The following GPC3 variants were observed in gnomAD, a reference collection of about 807,000 sequenced individuals.
GPC3 encodes the protein glypican-3.
Under a neutral mutation model 34.4 loss-of-function variants are expected in GPC3, and 3 were observed. That is an observed-to-expected ratio of 0.09 (90% CI 0.04 to 0.23). The LOEUF (loss-of-function observed/expected upper bound fraction) is 0.23, where lower values mean the gene tolerates loss of function less well. GPC3 is among the 10% of genes least tolerant of loss of function. GPC3 has a pLI of 1.00. For synonymous variants in GPC3, 177 were observed against 174.0 expected (o/e 1.02, Z -0.13); for missense variants, 351 against 445.6 (o/e 0.79, Z 1.91).
At chrX:133,946,276 T>A (rs1294522234) in intron 2 of GPC3, among the ~76,000 whole-genome samples, 1 of 111,888 alleles carries the variant, frequency 8.9e-6, no homozygotes, top group Non-Finnish European at 1.9e-5. Context: ...GGGCACAGGC[T>A]ATGGAGCTGT....
chrX:133,615,834 A>C (rs1279733639), intron 6 of GPC3, among the ~76,000 whole-genome samples: 1 of 111,358 alleles, frequency 9.0e-6, no homozygotes, highest in Admixed American at 9.6e-5. Context: ...GATGCAGAAA[A>C]AGCATTTGAC....
intron 5 of GPC3, among the ~76,000 whole-genome samples, chrX:133,691,822 G>A (rs937844139): frequency 8.0e-5 from 9 of 112,190 alleles, no homozygotes; most frequent in African/African-American, 2.3e-4. Context: ...TGGAAGAATC[G>A]AAGACAAAAG....
At chrX:133,827,941 TC>T (rs1206091641) in intron 2 of GPC3, among the ~76,000 whole-genome samples, 1 of 33,873 alleles carries the variant, frequency 3.0e-5, no homozygotes, top group Non-Finnish European at 5.0e-5. Flanking sequence ...CAAAACTCCA[TC>T]CCAAAAAAAA....
intron 2 of GPC3, among the ~76,000 whole-genome samples, chrX:133,764,843 C>T (rs2071830714): frequency 9.0e-6 from 1 of 111,600 alleles, no homozygotes; most frequent in Non-Finnish European, 1.9e-5. Context: ...AGTCATGATC[C>T]TTAGCCTTTT....
At chrX:133,810,537 A>C (rs1467439214) in intron 2 of GPC3, among the ~76,000 whole-genome samples, 1 of 111,636 alleles carries the variant, frequency 9.0e-6, no homozygotes, top group African/African-American at 3.3e-5. Flanking sequence ...GTGAGGAAAA[A>C]CTACAAAAAC....
At chrX:133,946,564 C>T (rs2076369766) in intron 2 of GPC3, among the ~76,000 whole-genome samples, 2 of 110,819 alleles carry the variant, frequency 1.8e-5, no homozygotes, top group South Asian at 7.9e-4. Flanking sequence ...CCTGCCTACC[C>T]CACCCAGACT....
rs1019018013 is a variant in GPC3, at chrX:133,900,563, C to CT, written c.337+52486dup. Among the ~76,000 whole-genome samples, 401 of 106,341 alleles carry CT rather than the reference C, an allele frequency of 3.8e-3. 2 individuals carry two copies. Among genetic ancestry groups the CT allele is most frequent in the African/African-American group, 9.2e-3 (270 of 29,455 alleles). The allele number at this position is 106,341 out of a possible 115,157, so 92.3% of individuals were successfully genotyped here. ...CAATACAAGGGTTCATCTTCTTTAACTTTTTTTTTTTATCAATTTACATTT... is the reference window on the plus strand; with the variant it reads ...CAATACAAGGGTTCATCTTCTTTAACTTTTTTTTTTTTATCAATTTACATTT... On this transcript the variant is annotated intron_variant, in intron 2 of 7. Coordinates refer to ENST00000370818, the MANE Select transcript of GPC3 (RefSeq NM_004484.4).
At chrX:133,843,581 C>T (rs1276481262) in intron 2 of GPC3, among the ~76,000 whole-genome samples, 1 of 111,330 alleles carries the variant, frequency 9.0e-6, no homozygotes, top group Non-Finnish European at 1.9e-5. Context: ...CATAGCAATG[C>T]AAGAATGGCC....
At chrX:133,914,944 A>AATATATATATATATATATAT (rs35086661) in intron 2 of GPC3, among the ~76,000 whole-genome samples, 60 of 49,938 alleles carry the variant, frequency 1.2e-3, no homozygotes, top group Non-Finnish European at 1.5e-3. Context: ...TCAAACTGGA[A>AATATATATATATATATATAT]ATATATATAT....
At chrX:133,765,001 A>C (rs1366758922) in intron 2 of GPC3, among the ~76,000 whole-genome samples, 1 of 111,995 alleles carries the variant, frequency 8.9e-6, no homozygotes, top group Non-Finnish European at 1.9e-5. Flanking sequence ...TTTTTAGTTC[A>C]TTCTTTACAA....
chrX:133,714,047 C>A (rs1000177098), intron 3 of GPC3, among the ~76,000 whole-genome samples: 4 of 111,949 alleles, frequency 3.6e-5, no homozygotes, highest in African/African-American at 1.3e-4. Flanking sequence ...AATGAAAAGT[C>A]AATTGATACG....
chrX:133,693,785 G>C (rs1260581145), intron 4 of GPC3, among the ~76,000 whole-genome samples: 1 of 111,685 alleles, frequency 9.0e-6, no homozygotes, highest in Non-Finnish European at 1.9e-5. Context: ...AAGATGGCTT[G>C]TCCTTACCAA....
chrX:133,821,549 A>G (rs977466398), intron 2 of GPC3, among the ~76,000 whole-genome samples: 2 of 112,057 alleles, frequency 1.8e-5, no homozygotes, highest in Non-Finnish European at 3.8e-5. Flanking sequence ...ATACATATAT[A>G]TTCGGAACAC....
Position 133,574,171 on chromosome X carries a change from G to T in GPC3, c.1573+22269C>A, listed in dbSNP as rs2069655936. On this transcript the variant is annotated intron_variant, in intron 7 of 7. Transcript: ENST00000370818. ...TTATCTAGAGTTGAGGGGGTTAGGA[G>T]GGTTGGAGAGTGGTGGCTGAGGGGT... Among the ~76,000 whole-genome samples, 4 of 111,629 alleles carry T rather than the reference G, an allele frequency of 3.6e-5. No homozygotes were observed. The South Asian group carries it at 1.5e-3, about 42-fold the overall frequency.
chrX:133,626,537 T>C (rs1156234407), intron 6 of GPC3, among the ~76,000 whole-genome samples: 1 of 110,614 alleles, frequency 9.0e-6, no homozygotes, highest in Non-Finnish European at 1.9e-5. Context: ...AAGAAGACAG[T>C]TATGCAGCCA....
intron 2 of GPC3, among the ~76,000 whole-genome samples, chrX:133,929,168 C>A (rs141723931): frequency 0.016 from 1,732 of 111,675 alleles, 37 homozygotes; most frequent in African/African-American, 0.053. Flanking sequence ...TGTGGAAATC[C>A]TGTTCTCTCA....
chrX:133,594,280 C>A (rs764656485), intron 7 of GPC3, among the ~76,000 whole-genome samples: 1 of 111,643 alleles, frequency 9.0e-6, no homozygotes, highest in South Asian at 3.8e-4. Flanking sequence ...TGACTTGTGA[C>A]ACATCACGCT....
At chrX:133,568,552 C>T (rs2069600479) in intron 7 of GPC3, among the ~76,000 whole-genome samples, 1 of 111,967 alleles carries the variant, frequency 8.9e-6, no homozygotes, top group African/African-American at 3.2e-5. Context: ...TCATAAGTGG[C>T]TATGCTGTTA....
intron 6 of GPC3, among the ~76,000 whole-genome samples, chrX:133,614,323 T>C: frequency 8.9e-6 from 1 of 111,814 alleles, no homozygotes; most frequent in Non-Finnish European, 1.9e-5. Context: ...AATCAAACTG[T>C]TGAAGTCAGA....
Sources: allele counts gnomAD v4.1 joint callset (sites outside exome capture counted in the v4.1 genomes callset), GRCh38; gene constraint gnomAD v4.1.1; transcripts MANE v1.5; gene names NCBI Gene and HGNC (gene_info 2026-07-23, HGNC 2026-07-21).